The following AGBL4 variants were observed in gnomAD, a reference collection of about 807,000 sequenced individuals.
AGBL4 encodes AGBL carboxypeptidase 4.
AGBL4 carries 58 observed loss-of-function variants against 66.4 expected under a neutral mutation model. That is an observed-to-expected ratio of 0.87 (90% CI 0.71 to 1.09). The LOEUF is 1.09. Among genes scored for constraint, AGBL4 ranks in the 50% least tolerant of loss-of-function variants. AGBL4 has a pLI of 0.00. For missense variants in AGBL4, 579 were observed against 631.0 expected (o/e 0.92, Z 0.88); for synonymous variants, 234 against 222.9 (o/e 1.05, Z -0.44).
At chr1:48,750,549 T>C (rs553694464) in intron 6 of AGBL4, among the ~76,000 whole-genome samples, 20 of 152,278 alleles carry the variant, frequency 1.3e-4, no homozygotes, top group Admixed American at 1.0e-3. Flanking sequence ...AAAGTAAAGC[T>C]CACCCTGCAT....
chr1:48,816,776 G>T (rs1423590452), intron 6 of AGBL4, among the ~76,000 whole-genome samples: 4 of 152,154 alleles, frequency 2.6e-5, no homozygotes, highest in Non-Finnish European at 5.9e-5. Context: ...ATAAGATATG[G>T]TTCTGTCTGT....
intron 6 of AGBL4, among the ~76,000 whole-genome samples, chr1:48,768,163 C>G (rs191057785): frequency 1.0e-5 from 1 of 97,452 alleles, no homozygotes; most frequent in Admixed American, 1.3e-4. Context: ...CTCAAATGAA[C>G]TAAAAGGCAC....
At chr1:48,669,199 C>T (rs1436012079) in intron 6 of AGBL4, among the ~76,000 whole-genome samples, 1 of 152,200 alleles carries the variant, frequency 6.6e-6, no homozygotes, top group Non-Finnish European at 1.5e-5. Context: ...CCTCAGTTTC[C>T]TCACTTATAA....
chr1:48,727,747 C>A, intron 6 of AGBL4: 1 of 728,086 alleles, frequency 1.4e-6, no homozygotes, highest in Non-Finnish European at 2.2e-6. Context: ...ACATTCAGAA[C>A]AAGCCGCTGA....
intron 1 of AGBL4, among the ~76,000 whole-genome samples, chr1:49,967,381 G>T (rs1438050978): frequency 1.3e-5 from 2 of 152,136 alleles, no homozygotes; most frequent in Non-Finnish European, 2.9e-5. Flanking sequence ...GATGAAGCTG[G>T]AAACCATCAT....
rs189783079 is a variant in AGBL4, at chr1:49,005,117, T to C, written c.594+40467A>G. On this transcript the variant is annotated intron_variant, in intron 5 of 13. Transcript: ENST00000371839. Reference sequence around the variant, plus strand: ...GCATCTAATAAAAACCAACCAAGAATATTTAGTTGAAAAATCATATCACCT... The same window carrying C: ...GCATCTAATAAAAACCAACCAAGAACATTTAGTTGAAAAATCATATCACCT... Among the ~76,000 whole-genome samples the C allele has an allele frequency of 1.7e-4, 26 of 152,272 alleles. No individual in the cohort carries two copies. In the East Asian group the frequency reaches 3.7e-3, roughly 21 times the overall value.
At chr1:49,355,710 C>T (rs1484440703) in intron 3 of AGBL4, among the ~76,000 whole-genome samples, 1 of 152,124 alleles carries the variant, frequency 6.6e-6, no homozygotes, top group Non-Finnish European at 1.5e-5. Context: ...TACTTTTTTG[C>T]TATTCTTCAA....
At chr1:49,280,151 C>G (rs546915187) in intron 3 of AGBL4, among the ~76,000 whole-genome samples, 10 of 152,034 alleles carry the variant, frequency 6.6e-5, no homozygotes, top group Non-Finnish European at 1.3e-4. Flanking sequence ...GGACTCAGCA[C>G]GCAGAAGGAC....
intron 11 of AGBL4, chr1:48,584,272 A>T (rs1420769347): frequency 6.6e-6 from 1 of 152,056 alleles, no homozygotes; most frequent in Non-Finnish European, 1.5e-5. Context: ...AACTTCTTAC[A>T]TCTTTCCACT....
intron 3 of AGBL4, among the ~76,000 whole-genome samples, chr1:49,288,911 T>C (rs755350020): frequency 2.0e-5 from 3 of 151,870 alleles, no homozygotes; most frequent in Non-Finnish European, 2.9e-5. Context: ...TAGAGGAAAA[T>C]AATATACATA....
chr1:49,133,376 A>G (rs1338180534), intron 4 of AGBL4, among the ~76,000 whole-genome samples: 1 of 152,190 alleles, frequency 6.6e-6, no homozygotes, highest in African/African-American at 2.4e-5. Context: ...CATTCTGCAC[A>G]TGTATCCCAG....
chr1:49,072,569 C>T (rs922401685), intron 4 of AGBL4, among the ~76,000 whole-genome samples: 2 of 152,158 alleles, frequency 1.3e-5, no homozygotes, highest in Non-Finnish European at 2.9e-5. Context: ...GAATATTGGC[C>T]TCCACTCTCT....
rs981279176 is a variant in AGBL4 at position 49,615,635 on chromosome 1, GA to G, written c.282+81677del. 6.6e-5 allele frequency among the ~76,000 whole-genome samples: 10 copies of G among 151,574 alleles called. No homozygotes were observed. In the East Asian group the frequency reaches 9.7e-4, roughly 15 times the overall value. On this transcript the variant is annotated intron_variant, in intron 3 of 13. Coordinates refer to ENST00000371839, the MANE Select transcript of AGBL4 (RefSeq NM_032785.4). ...TAAAGCACCAAAGCAAATATACTGA[GA>G]AAAAAAATGGATAAAAGAGTCATAG...
At chr1:49,965,566 A>C (rs375776776) in intron 1 of AGBL4, among the ~76,000 whole-genome samples, 1 of 152,232 alleles carries the variant, frequency 6.6e-6, no homozygotes, top group Non-Finnish European at 1.5e-5. Flanking sequence ...AAATAGAGAC[A>C]GTGAGTTTCA....
chr1:48,926,263 T>TTTTATTTTATTTTATTTTA (rs1654556507), intron 5 of AGBL4, among the ~76,000 whole-genome samples: 2 of 150,530 alleles, frequency 1.3e-5, no homozygotes, highest in African/African-American at 4.9e-5. Flanking sequence ...TTTTATTTTA[T>TTTTATTTTATTTTATTTTA]TTTATTTTAT....
intron 1 of AGBL4, among the ~76,000 whole-genome samples, chr1:49,901,267 T>C (rs1439385225): frequency 1.3e-5 from 2 of 152,164 alleles, no homozygotes; most frequent in East Asian, 1.9e-4. Context: ...TGTTTGCAGA[T>C]AACATGATTC....
chr1:49,255,974 A>G (rs1652459529), intron 3 of AGBL4, among the ~76,000 whole-genome samples: 2 of 152,150 alleles, frequency 1.3e-5, no homozygotes, highest in Admixed American at 1.3e-4. Context: ...ACATGGTCAC[A>G]CAGAGGGGAA....
chr1:49,514,145 A>C (rs1167292), intron 3 of AGBL4, among the ~76,000 whole-genome samples: 102,917 of 150,762 alleles, frequency 0.68, 35,960 homozygotes, highest in African/African-American at 0.78. Flanking sequence ...TTTCTAGATA[A>C]ACAATCATGT....
chr1:48,703,791 A>G (rs999073540), intron 6 of AGBL4, among the ~76,000 whole-genome samples: 2 of 152,340 alleles, frequency 1.3e-5, no homozygotes, highest in Middle Eastern at 6.8e-3. Context: ...ATTGAAGGGG[A>G]TATCAAGAAA....
Sources: gnomAD v4.1 joint callset for allele counts (sites outside exome capture counted in the v4.1 genomes callset) on GRCh38, gnomAD v4.1.1 for gene constraint, MANE v1.5 for transcripts, NCBI Gene and HGNC (gene_info 2026-07-23, HGNC 2026-07-21) for gene names.